FSTL5: variants seen among roughly 807,000 people sequenced by gnomAD.
FSTL5 encodes follistatin like 5, also known as follistatin-related protein 5.
Under a neutral mutation model 89.1 loss-of-function variants are expected in FSTL5, and 62 were observed. The observed-to-expected ratio is 0.70, with a 90% CI of 0.57 to 0.86. The LOEUF is 0.86. Among genes scored for constraint, FSTL5 ranks in the 40% least tolerant of loss-of-function variants. The pLI, the probability that FSTL5 is intolerant of heterozygous loss-of-function variation, is 0.00. For missense variants in FSTL5, 1,057 were observed against 1,001.6 expected (o/e 1.06, Z -0.75); for synonymous variants, 383 against 346.2 (o/e 1.11, Z -1.18).
intron 2 of FSTL5, among the ~76,000 whole-genome samples, chr4:162,064,196 G>A (rs2111289898): frequency 6.6e-6 from 1 of 151,932 alleles, no homozygotes. Context: ...TACCTTATTA[G>A]AATAGTGTTA....
At chr4:162,082,282 A>G (rs1362930426) in intron 2 of FSTL5, among the ~76,000 whole-genome samples, 1 of 151,712 alleles carries the variant, frequency 6.6e-6, no homozygotes, top group Non-Finnish European at 1.5e-5. Flanking sequence ...TAAATTTTCA[A>G]ATTGCTGCAA....
chr4:162,140,074 G>A (rs1454679304), intron 1 of FSTL5, among the ~76,000 whole-genome samples: 2 of 151,752 alleles, frequency 1.3e-5, no homozygotes, highest in African/African-American at 4.8e-5. Flanking sequence ...ATAAATATTA[G>A]GAATATATTG....
intron 10 of FSTL5, among the ~76,000 whole-genome samples, chr4:161,513,171 A>G (rs907230089): frequency 6.6e-6 from 1 of 152,028 alleles, no homozygotes; most frequent in African/African-American, 2.4e-5. Flanking sequence ...TATATAAAAC[A>G]TATCAAAAAA....
chr4:161,449,572 T>A (rs1033248299), intron 15 of FSTL5, among the ~76,000 whole-genome samples: 1 of 152,162 alleles, frequency 6.6e-6, no homozygotes, highest in Non-Finnish European at 1.5e-5. Context: ...GTCATCTCCT[T>A]GAATTTACTC....
At chr4:161,458,053 G>T (rs539708460) in intron 14 of FSTL5, among the ~76,000 whole-genome samples, 1 of 152,168 alleles carries the variant, frequency 6.6e-6, no homozygotes, top group Non-Finnish European at 1.5e-5. Context: ...GATGCAGTGT[G>T]AGCGTCACAT....
At chr4:161,881,017 G>A (rs142870463) in intron 4 of FSTL5, among the ~76,000 whole-genome samples, 287 of 151,852 alleles carry the variant, frequency 1.9e-3, no homozygotes, top group African/African-American at 6.0e-3. Flanking sequence ...AGAAGGGTGC[G>A]ATAAAGGTAA....
At chr4:161,390,177 G>C (rs989855710) in intron 15 of FSTL5, among the ~76,000 whole-genome samples, 1 of 152,070 alleles carries the variant, frequency 6.6e-6, no homozygotes, top group South Asian at 2.1e-4. Context: ...TGAGAACATG[G>C]AGCAGTAGGC....
At chr4:161,949,829 T>G (rs1266881554) in intron 3 of FSTL5, among the ~76,000 whole-genome samples, 1 of 152,054 alleles carries the variant, frequency 6.6e-6, no homozygotes, top group African/African-American at 2.4e-5. Flanking sequence ...AATTCTCTGC[T>G]TTAATTCCTC....
intron 8 of FSTL5, among the ~76,000 whole-genome samples, chr4:161,546,925 C>G (rs1732027539): frequency 6.6e-6 from 1 of 151,926 alleles, no homozygotes; most frequent in African/African-American, 2.4e-5. Context: ...GACCTGTGGG[C>G]TGGATTTAAT....
chr4:161,702,980 G>A (rs1738451556), intron 6 of FSTL5, among the ~76,000 whole-genome samples: 1 of 152,048 alleles, frequency 6.6e-6, no homozygotes, highest in South Asian at 2.1e-4. Flanking sequence ...ATTGGGGTGG[G>A]CTCTAATCCA....
intron 3 of FSTL5, among the ~76,000 whole-genome samples, chr4:161,985,098 A>C (rs1371372353): frequency 6.6e-6 from 1 of 151,986 alleles, no homozygotes; most frequent in Non-Finnish European, 1.5e-5. Flanking sequence ...TTGAGATTAC[A>C]GGCGTGTGCC....
intron 3 of FSTL5, among the ~76,000 whole-genome samples, chr4:161,977,630 A>AT (rs576145692): frequency 0.015 from 1,250 of 80,856 alleles, 8 homozygotes; most frequent in East Asian, 0.047. Context: ...AAAAAAAAAA[A>AT]AAAAAAAAAA....
intron 6 of FSTL5, among the ~76,000 whole-genome samples, chr4:161,726,054 G>C (rs908263417): frequency 5.9e-5 from 9 of 152,080 alleles, no homozygotes; most frequent in Non-Finnish European, 1.3e-4. Context: ...AAAAGCTGGT[G>C]AGGAGCAGAA....
At chr4:161,711,089 A>G (rs1165791079) in intron 6 of FSTL5, among the ~76,000 whole-genome samples, 2 of 152,158 alleles carry the variant, frequency 1.3e-5, no homozygotes, top group Non-Finnish European at 2.9e-5. Context: ...AATACATATT[A>G]TCTATGTAAT....
At chr4:161,958,134 T>C (rs1735074995) in intron 3 of FSTL5, among the ~76,000 whole-genome samples, 1 of 152,100 alleles carries the variant, frequency 6.6e-6, no homozygotes, top group Admixed American at 6.6e-5. Context: ...TTCCACTGTA[T>C]CTATCCTATC....
At chr4:161,981,268 C>T (rs1459017554) in intron 3 of FSTL5, among the ~76,000 whole-genome samples, 1 of 152,144 alleles carries the variant, frequency 6.6e-6, no homozygotes, top group Non-Finnish European at 1.5e-5. Flanking sequence ...AATTCACTAG[C>T]ATGCACAGCA....
chr4:161,952,290 A>C (rs1734917389), intron 3 of FSTL5, among the ~76,000 whole-genome samples: 1 of 152,004 alleles, frequency 6.6e-6, no homozygotes, highest in Non-Finnish European at 1.5e-5. Context: ...TTATTGGAAA[A>C]ATATGCCTCA....
intron 7 of FSTL5, among the ~76,000 whole-genome samples, chr4:161,629,811 C>A (rs1312012317): frequency 6.6e-6 from 1 of 152,164 alleles, no homozygotes. Context: ...AACCTTTAGG[C>A]CTGACTACGG....
At chr4:161,968,120 G>A (rs1421035042) in intron 3 of FSTL5, among the ~76,000 whole-genome samples, 1 of 151,626 alleles carries the variant, frequency 6.6e-6, no homozygotes, top group Non-Finnish European at 1.5e-5. Context: ...TATTAACTTT[G>A]CAACTATTAG....
Sources: gnomAD v4.1 joint callset for allele counts (sites outside exome capture counted in the v4.1 genomes callset) on GRCh38, gnomAD v4.1.1 for gene constraint, MANE v1.5 for transcripts, NCBI Gene and HGNC (gene_info 2026-07-23, HGNC 2026-07-21) for gene names.